ANO6: variants seen among roughly 807,000 people sequenced by gnomAD.
ANO6 encodes anoctamin 6.
Under a neutral mutation model 117.5 loss-of-function variants are expected in ANO6, and 106 were observed. The ratio of observed to expected loss-of-function variants is 0.90; its 90% CI spans 0.77 to 1.06. The LOEUF is 1.06. ANO6 is among the 50% of genes least tolerant of loss of function. The pLI, the probability that ANO6 is intolerant of heterozygous loss-of-function variation, is 0.00. For synonymous variants in ANO6, 367 were observed against 385.1 expected (o/e 0.95, Z 0.55); for missense variants, 955 against 1,121.1 (o/e 0.85, Z 2.12).
downstream of ANO6, among the ~76,000 whole-genome samples, chr12:45,435,968 G>A (rs890117950): frequency 2.0e-5 from 3 of 152,144 alleles, no homozygotes; most frequent in Non-Finnish European, 4.4e-5. Context: ...AACCTGCCCA[G>A]GAAACTAACC....
intron 2 of ANO6, among the ~76,000 whole-genome samples, chr12:45,324,805 A>T (rs1940405597): frequency 6.6e-6 from 1 of 152,176 alleles, no homozygotes; most frequent in African/African-American, 2.4e-5. Flanking sequence ...CCCCACTTAC[A>T]CCTTACTTAT....
At position 45,432,020 on chromosome 12, in the gene ANO6, C is replaced by T; in HGVS notation, c.*2709C>T. The T allele has an allele frequency of 1.0e-6, 1 of 985,296 alleles. No homozygotes were observed. The highest frequency in any genetic ancestry group is 1.2e-6 in the Non-Finnish European group (1 of 829,858). 61.0% of individuals were successfully genotyped at this position (985,296 alleles called of 1,614,324 possible). On this transcript the variant is annotated 3_prime_UTR_variant, in exon 20 of 20. Coordinates refer to ENST00000320560, the MANE Select transcript of ANO6 (RefSeq NM_001025356.3). Reference sequence around the variant, plus strand: ...ACAAGGCCATCTTATAAACTGTCACCAAAGTCTTCCCTTTTTTATTGCATG... The same window carrying T: ...ACAAGGCCATCTTATAAACTGTCACTAAAGTCTTCCCTTTTTTATTGCATG...
chr12:45,329,587 CAGAACTTA>C (rs1443656482), intron 2 of ANO6, among the ~76,000 whole-genome samples: 10 of 152,104 alleles, frequency 6.6e-5, no homozygotes, highest in Admixed American at 2.0e-4. Context: ...CCTAATTCTT[CAGAACTTA>C]ACTTCCGTGA....
intron 1 of ANO6, among the ~76,000 whole-genome samples, chr12:45,232,669 C>T (rs1482335420): frequency 1.3e-5 from 2 of 152,180 alleles, no homozygotes; most frequent in African/African-American, 2.4e-5. Flanking sequence ...AGGGAATTCA[C>T]CATGCAGAGG....
chr12:45,391,858 CA>C (rs949329387), intron 12 of ANO6, among the ~76,000 whole-genome samples: 2 of 151,546 alleles, frequency 1.3e-5, no homozygotes, highest in East Asian at 1.9e-4. Context: ...GACTCTGTCT[CA>C]AAAAAAATGT....
intron 1 of ANO6, among the ~76,000 whole-genome samples, chr12:45,250,727 A>G (rs888150640): frequency 6.7e-6 from 1 of 150,296 alleles, no homozygotes; most frequent in East Asian, 2.0e-4. Context: ...TGGAGAAGAT[A>G]CAGTACAGCC....
chr12:45,273,617 T>C (rs1413384597), intron 1 of ANO6, among the ~76,000 whole-genome samples: 1 of 152,222 alleles, frequency 6.6e-6, no homozygotes, highest in African/African-American at 2.4e-5. Context: ...TCTCACATGC[T>C]GTGAGTTAGA....
chr12:45,403,313 T>G (rs781123008), intron 14 of ANO6, 72 bp downstream of exon 14: 21 of 1,561,354 alleles, frequency 1.3e-5, no homozygotes, highest in Non-Finnish European at 1.8e-5. Context: ...ATGAATAGTT[T>G]TTTATTGTAA....
At chr12:45,245,644 C>G (rs576649546) in intron 1 of ANO6, among the ~76,000 whole-genome samples, 1 of 152,026 alleles carries the variant, frequency 6.6e-6, no homozygotes, top group Non-Finnish European at 1.5e-5. Flanking sequence ...TCACTACTTA[C>G]TGGTTGTACA....
At position 45,399,244 on chromosome 12, in the gene ANO6, T is replaced by C. The variant is rs1048311601; in HGVS notation, c.1387-2551T>C. Among the ~76,000 whole-genome samples the C allele has an allele frequency of 3.8e-4, 58 of 152,184 alleles. 1 individual carries two copies. The highest frequency in any genetic ancestry group is 1.4e-3 in the African/African-American group (57 of 41,450). The stretch of plus-strand genomic sequence containing the variant: ...CAGGTTCTCGCTCTGTCGCCCAGGC[T>C]GAAGTGCAATGCGTGGTCTCAGCTC... On this transcript the variant is annotated intron_variant, in intron 12 of 19. Coordinates refer to ENST00000320560, the MANE Select transcript of ANO6 (RefSeq NM_001025356.3).
intron 1 of ANO6, among the ~76,000 whole-genome samples, chr12:45,232,815 C>A (rs906307509): frequency 6.6e-6 from 1 of 152,168 alleles, no homozygotes; most frequent in African/African-American, 2.4e-5. Flanking sequence ...GTCAGTCACC[C>A]CAGTTCTCTT....
intron 8 of ANO6, among the ~76,000 whole-genome samples, chr12:45,363,148 T>C (rs1941597627): frequency 6.6e-6 from 1 of 152,194 alleles, no homozygotes; most frequent in African/African-American, 2.4e-5. Flanking sequence ...ATTTGCATTA[T>C]ACTTACCATT....
chr12:45,255,265 T>C (rs1937768911), intron 1 of ANO6, among the ~76,000 whole-genome samples: 1 of 152,234 alleles, frequency 6.6e-6, no homozygotes, highest in African/African-American at 2.4e-5. Context: ...ATGCTCCCTC[T>C]GCCTTGGAAT....
At chr12:45,266,524 CTT>C (rs1199567909) in intron 1 of ANO6, among the ~76,000 whole-genome samples, 1 of 152,132 alleles carries the variant, frequency 6.6e-6, no homozygotes, top group Non-Finnish European at 1.5e-5. Flanking sequence ...TACTGTGACA[CTT>C]TCCCTTTTCT....
At chr12:45,369,363 A>G (rs1335169033) in intron 9 of ANO6, among the ~76,000 whole-genome samples, 2 of 152,198 alleles carry the variant, frequency 1.3e-5, no homozygotes, top group Non-Finnish European at 2.9e-5. Flanking sequence ...GTCATCTACA[A>G]AGATGCAAGT....
chr12:45,246,667 G>A (rs1210629411), intron 1 of ANO6, among the ~76,000 whole-genome samples: 1 of 151,920 alleles, frequency 6.6e-6, no homozygotes, highest in Non-Finnish European at 1.5e-5. Flanking sequence ...TTTACAAGTA[G>A]ACAAGGAGTG....
chr12:45,432,420 C>G (rs1943655893), downstream of ANO6: 2 of 526,610 alleles, frequency 3.8e-6, no homozygotes, highest in South Asian at 1.8e-4. Context: ...TTACTAGTGG[C>G]CAGTTGTGTA....
Position 45,225,183 on chromosome 12 carries a change from C to CAAA in ANO6, c.70+8809_70+8811dup, listed in dbSNP as rs34523402. ...AGCCTGGGCAACAGAGACCCTGTCT[C>CAAA]AAAAAAAAAAAAAAAAAAACTCACG... On this transcript the variant is annotated intron_variant, in intron 1 of 19. Transcript: ENST00000320560. Among the ~76,000 whole-genome samples, 671 of 73,392 alleles carry CAAA rather than the reference C, an allele frequency of 9.1e-3. 10 individuals are homozygous for CAAA. The highest frequency in any genetic ancestry group is 0.026 in the African/African-American group (636 of 24,768). The allele number at this position is 73,392 out of a possible 152,430, so 48.1% of individuals were successfully genotyped here.
chr12:45,246,759 CTT>C (rs34322669), intron 1 of ANO6, among the ~76,000 whole-genome samples: 2,761 of 113,778 alleles, frequency 0.024, 65 homozygotes, highest in African/African-American at 0.088. Flanking sequence ...TTCCACCCTA[CTT>C]TTTTTTTTTT....
Sources: gnomAD v4.1 joint callset for allele counts (sites outside exome capture counted in the v4.1 genomes callset) on GRCh38, gnomAD v4.1.1 for gene constraint, MANE v1.5 for transcripts, NCBI Gene and HGNC (gene_info 2026-07-23, HGNC 2026-07-21) for gene names.